DGKI: variants seen among roughly 807,000 people sequenced by gnomAD.
DGKI encodes diacylglycerol kinase iota.
Under a neutral mutation model 147.5 loss-of-function variants are expected in DGKI, and 55 were observed. That is an observed-to-expected ratio of 0.37 (90% confidence interval 0.30 to 0.47). The LOEUF (loss-of-function observed/expected upper bound fraction) is 0.47, where lower values mean the gene tolerates loss of function less well. Ranked by LOEUF, DGKI falls within the 20% of genes least tolerant of loss-of-function variation. The pLI, the probability that DGKI is intolerant of heterozygous loss-of-function variation, is 1.00. For missense variants in DGKI, 1,007 were observed against 1,323.8 expected, an observed-to-expected ratio of 0.76 and a Z score of 3.71; for synonymous variants, 469 against 477.1, an observed-to-expected ratio of 0.98 and a Z score of 0.22.
chr7:137,408,449 TATGAA>T, intron 29 of DGKI, among the ~76,000 whole-genome samples: 1 of 152,330 alleles, frequency 6.6e-6, no homozygotes, highest in East Asian at 1.9e-4. Flanking sequence ...TCTTCAGTCT[TATGAA>T]CCTATATACC....
chr7:137,483,058 A>T (rs1815426069), intron 23 of DGKI, among the ~76,000 whole-genome samples: 1 of 152,134 alleles, frequency 6.6e-6, no homozygotes, highest in Non-Finnish European at 1.5e-5. Context: ...ATTTTGACAT[A>T]GAAAAATATC....
chr7:137,618,151 A>ATATATTTTT, intron 8 of DGKI, among the ~76,000 whole-genome samples: 11 of 10,466 alleles, frequency 1.1e-3, no homozygotes, highest in Admixed American at 3.6e-3. Context: ...ATATATATAT[A>ATATATTTTT]TTTTTTTTTT....
chr7:137,455,954 T>C (rs1814188841), intron 27 of DGKI, among the ~76,000 whole-genome samples: 1 of 152,302 alleles, frequency 6.6e-6, no homozygotes, highest in African/African-American at 2.4e-5. Context: ...TTTCACACTT[T>C]AGATCTGTTT....
intron 28 of DGKI, among the ~76,000 whole-genome samples, chr7:137,433,437 T>C (rs56410205): frequency 0.34 from 51,692 of 152,034 alleles, 9,777 homozygotes; most frequent in East Asian, 0.65. Context: ...AAACAAGCTC[T>C]AGGTAGAGGA....
At chr7:137,782,057 T>C (rs1181212347) in intron 1 of DGKI, among the ~76,000 whole-genome samples, 3 of 152,212 alleles carry the variant, frequency 2.0e-5, no homozygotes, top group African/African-American at 4.8e-5. Context: ...CAAGAACTAC[T>C]GTAGGAACAT....
At chr7:137,691,809 T>TGTTTTTTTTTTTTTTG (rs1563152830) in intron 1 of DGKI, among the ~76,000 whole-genome samples, 2 of 141,012 alleles carry the variant, frequency 1.4e-5, no homozygotes, top group African/African-American at 5.6e-5. Context: ...TTTTTTTTTT[T>TGTTTTTTTTTTTTTTG]TTTTTTTTTT....
chr7:137,590,774 C>T (rs958424425), intron 12 of DGKI, among the ~76,000 whole-genome samples: 2 of 152,264 alleles, frequency 1.3e-5, no homozygotes, highest in African/African-American at 2.4e-5. Flanking sequence ...CTCACTGAAG[C>T]GTCTACCTCG....
rs56134003 is a variant in DGKI, at chr7:137,724,938, T to G, written c.402-34936A>C. Among the ~76,000 whole-genome samples the G allele has an allele frequency of 1.2e-3, 184 of 152,084 alleles. 1 individual carries two copies. The highest frequency in any genetic ancestry group is 4.1e-3 in the African/African-American group (170 of 41,492). ...ACTGCACCCAGGGGCTCTCCAACAA[T>G]TAGAAGTTGAGAAGGTAAGATCGTT... is the stretch of plus-strand genomic sequence containing the variant. On this transcript the variant is annotated intron_variant, in intron 1 of 32. Coordinates refer to ENST00000614521, the MANE Select transcript of DGKI (RefSeq NM_001321708.2).
chr7:137,813,602 C>T (rs1797654844), intron 1 of DGKI, among the ~76,000 whole-genome samples: 1 of 152,218 alleles, frequency 6.6e-6, no homozygotes, highest in South Asian at 2.1e-4. Context: ...ACTCCTTCCT[C>T]CACCTCAGAG....
At chr7:137,402,074 G>A (rs1811780920) in intron 30 of DGKI, among the ~76,000 whole-genome samples, 1 of 152,234 alleles carries the variant, frequency 6.6e-6, no homozygotes. Context: ...AAACGGAGAT[G>A]AGAGCTTACT....
chr7:137,499,234 T>C (rs1002196727), intron 21 of DGKI, among the ~76,000 whole-genome samples: 17 of 152,220 alleles, frequency 1.1e-4, no homozygotes, highest in African/African-American at 4.1e-4. Flanking sequence ...AGTAGAACAG[T>C]GAGGGGTGGT....
intron 28 of DGKI, among the ~76,000 whole-genome samples, chr7:137,435,183 C>T (rs1813234238): frequency 1.3e-5 from 2 of 152,056 alleles, no homozygotes; most frequent in Admixed American, 1.3e-4. Flanking sequence ...TGCCAGGGCA[C>T]AGCACAGAAT....
At chr7:137,421,358 GAATT>G (rs1395026439) in intron 28 of DGKI, among the ~76,000 whole-genome samples, 1 of 152,158 alleles carries the variant, frequency 6.6e-6, no homozygotes, top group Non-Finnish European at 1.5e-5. Flanking sequence ...TCTAATGACA[GAATT>G]AATCCCCCAA....
chr7:137,822,167 G>A (rs1455019790), intron 1 of DGKI, among the ~76,000 whole-genome samples: 1 of 152,190 alleles, frequency 6.6e-6, no homozygotes, highest in African/African-American at 2.4e-5. Context: ...AGCACTTTGG[G>A]AGGCTGAGGC....
At chr7:137,741,549 G>A (rs1192213372) in intron 1 of DGKI, among the ~76,000 whole-genome samples, 1 of 152,112 alleles carries the variant, frequency 6.6e-6, no homozygotes, top group African/African-American at 2.4e-5. Context: ...TGGTTTCAGT[G>A]GAAAGATTTC....
At position 137,389,468 on chromosome 7, in the gene DGKI, A is replaced by C. The variant is rs532667226; in HGVS notation, c.*1752T>G. ...CCGAAATGTGACTCAGATAAGCAAA[A>C]TGTCACCATTAGACTTTTAAATTAA... On this transcript the variant is annotated 3_prime_UTR_variant, in exon 33 of 33. Transcript: ENST00000614521. 1 of 152,336 alleles carries C rather than the reference A, an allele frequency of 6.6e-6. No homozygotes were observed. The highest frequency in any genetic ancestry group is 2.1e-4 in the South Asian group (1 of 4,828). 9.4% of individuals were successfully genotyped at this position (152,336 alleles called of 1,614,324 possible).
At chr7:137,692,083 T>C (rs558160985) in intron 1 of DGKI, among the ~76,000 whole-genome samples, 2 of 152,274 alleles carry the variant, frequency 1.3e-5, no homozygotes, top group South Asian at 4.2e-4. Context: ...CCAAAGCATA[T>C]TCCATATCAT....
At chr7:137,402,962 A>T (rs1322754153) in intron 30 of DGKI, among the ~76,000 whole-genome samples, 1 of 152,220 alleles carries the variant, frequency 6.6e-6, no homozygotes, top group East Asian at 1.9e-4. Flanking sequence ...CTATCAGGAA[A>T]ACCAGTAGGA....
At chr7:137,537,934 G>C (rs1490839722) in intron 20 of DGKI, among the ~76,000 whole-genome samples, 2 of 152,144 alleles carry the variant, frequency 1.3e-5, no homozygotes, top group South Asian at 2.1e-4. Flanking sequence ...AGGAAAGAGG[G>C]TTCTGAATAA....
Sources: gnomAD v4.1 joint callset for allele counts (sites outside exome capture counted in the v4.1 genomes callset) on GRCh38, gnomAD v4.1.1 for gene constraint, MANE v1.5 for transcripts, NCBI Gene and HGNC (gene_info 2026-07-23, HGNC 2026-07-21) for gene names.